HS3ST5: variants seen among roughly 807,000 people sequenced by gnomAD.
The protein encoded by HS3ST5 is heparan sulfate-glucosamine 3-sulfotransferase 5.
A neutral mutation model predicts 25.4 loss-of-function variants in HS3ST5; 10 were observed. The observed-to-expected ratio is 0.39, with a 90% CI of 0.24 to 0.67. HS3ST5 has a LOEUF of 0.67. Ranked by LOEUF, HS3ST5 falls within the 30% of genes least tolerant of loss-of-function variation. The probability of loss-of-function intolerance (pLI) is 0.44; values close to 1 mark genes in which losing one functional copy is unlikely to be tolerated. For synonymous variants in HS3ST5, 170 were observed against 162.4 expected (o/e 1.05, Z -0.36); for missense variants, 324 against 420.7 (o/e 0.77, Z 2.01).
At chr6:114,076,998 G>A (rs138308997) in intron 3 of HS3ST5, among the ~76,000 whole-genome samples, 2 of 152,282 alleles carry the variant, frequency 1.3e-5, no homozygotes, top group East Asian at 1.9e-4. Flanking sequence ...ATACAGAACT[G>A]CAGGGTGGAA....
Position 114,120,397 on chromosome 6 carries a change from A to G in HS3ST5, c.-33+47954T>C, listed in dbSNP as rs146855989. Among the ~76,000 whole-genome samples, 468 of 152,296 alleles carry G rather than the reference A, an allele frequency of 3.1e-3. 3 individuals carry two copies. The highest frequency in any genetic ancestry group is 0.011 in the African/African-American group (453 of 41,562). On this transcript the variant is annotated intron_variant, in intron 3 of 4. Coordinates refer to ENST00000312719, the MANE Select transcript of HS3ST5 (RefSeq NM_153612.4). Reference sequence around the variant, plus strand: ...TTGTCCAAACTATGACAGAAAGTCAATCTTCTATGATTTCAATGTCTGTAT... The same window carrying G: ...TTGTCCAAACTATGACAGAAAGTCAGTCTTCTATGATTTCAATGTCTGTAT...
chr6:114,176,462 G>A (rs988912067), intron 2 of HS3ST5, among the ~76,000 whole-genome samples: 3 of 152,158 alleles, frequency 2.0e-5, no homozygotes, highest in Non-Finnish European at 2.9e-5. Context: ...TGTATCATTG[G>A]CAGAAACCTA....
intron 1 of HS3ST5, among the ~76,000 whole-genome samples, chr6:114,278,281 A>G (rs575636657): frequency 2.6e-5 from 4 of 152,144 alleles, no homozygotes; most frequent in African/African-American, 9.6e-5. Context: ...CTACTTCTTG[A>G]ATTTGAATGT....
rs536949972 is a variant in HS3ST5, at chr6:114,132,660, G to A, written c.-33+35691C>T. On this transcript the variant is annotated intron_variant, in intron 3 of 4. Coordinates refer to ENST00000312719, the MANE Select transcript of HS3ST5 (RefSeq NM_153612.4). ...CAAAGGTTTTGGCCAGATATAAGGG[G>A]GGAAAGGGCAGGCTTATAAATAGTT... Among the ~76,000 whole-genome samples the A allele has an allele frequency of 3.2e-4, 49 of 152,298 alleles. No homozygotes were observed. In the South Asian group the frequency reaches 4.4e-3, roughly 14 times the overall value.
At chr6:114,259,589 TA>T (rs1248877134) in intron 1 of HS3ST5, among the ~76,000 whole-genome samples, 2 of 152,230 alleles carry the variant, frequency 1.3e-5, no homozygotes, top group Admixed American at 6.5e-5. Context: ...CTTTTGAAAC[TA>T]AGCAGTTGTT....
chr6:114,271,896 C>A (rs1304735782), intron 1 of HS3ST5, among the ~76,000 whole-genome samples: 1 of 151,962 alleles, frequency 6.6e-6, no homozygotes, highest in Non-Finnish European at 1.5e-5. Flanking sequence ...CCCACTAAGT[C>A]CTCCTTCTTT....
chr6:114,262,351 T>C (rs1282468262), intron 1 of HS3ST5, among the ~76,000 whole-genome samples: 1 of 152,144 alleles, frequency 6.6e-6, no homozygotes, highest in Non-Finnish European at 1.5e-5. Flanking sequence ...ATCAAGACCA[T>C]CCTGGCTAAC....
intron 2 of HS3ST5, among the ~76,000 whole-genome samples, chr6:114,186,855 G>C (rs1001980293): frequency 5.9e-5 from 9 of 152,188 alleles, no homozygotes; most frequent in African/African-American, 1.9e-4. Flanking sequence ...AGTAGCTGAT[G>C]ACTTTATACT....
At chr6:114,093,916 C>T (rs546352926) in intron 3 of HS3ST5, among the ~76,000 whole-genome samples, 2 of 152,126 alleles carry the variant, frequency 1.3e-5, no homozygotes, top group East Asian at 3.9e-4. Context: ...AAATAGAGCA[C>T]CAGCATGCAG....
chr6:114,116,260 C>G (rs1776524298), intron 3 of HS3ST5: 1 of 152,016 alleles, frequency 6.6e-6, no homozygotes, highest in African/African-American at 2.4e-5. Flanking sequence ...TAAAGATATT[C>G]TAGCATCTCA....
chr6:114,173,266 T>A (rs1209433427), intron 2 of HS3ST5, among the ~76,000 whole-genome samples: 7 of 152,224 alleles, frequency 4.6e-5, no homozygotes, highest in Non-Finnish European at 7.3e-5. Context: ...CTACAATCTA[T>A]TTTATATTCT....
At chr6:114,337,276 A>C (rs76666685) in intron 1 of HS3ST5, among the ~76,000 whole-genome samples, 25,188 of 152,206 alleles carry the variant, frequency 0.17, 2,511 homozygotes, top group Admixed American at 0.23. Flanking sequence ...CAACATGTGG[A>C]ATGCTCTGCT....
chr6:114,248,423 C>T (rs1312678646), intron 1 of HS3ST5, among the ~76,000 whole-genome samples: 1 of 151,390 alleles, frequency 6.6e-6, no homozygotes, highest in East Asian at 1.9e-4. Context: ...CAGTTTCTTA[C>T]ATAAAGTTAT....
At chr6:114,165,842 TACTTCATAG>T (rs1318493978) in intron 3 of HS3ST5, among the ~76,000 whole-genome samples, 2 of 152,118 alleles carry the variant, frequency 1.3e-5, no homozygotes, top group African/African-American at 4.8e-5. Context: ...CAACAATGCC[TACTTCATAG>T]AGTTATTTGA....
intron 1 of HS3ST5, among the ~76,000 whole-genome samples, chr6:114,299,637 T>C (rs557293562): frequency 3.7e-4 from 57 of 152,182 alleles, no homozygotes; most frequent in African/African-American, 9.2e-4. Flanking sequence ...TTAGGGAAAA[T>C]AGAAAAGAAC....
At chr6:114,335,620 C>A (rs1186780458) in intron 1 of HS3ST5, among the ~76,000 whole-genome samples, 1 of 151,544 alleles carries the variant, frequency 6.6e-6, no homozygotes, top group East Asian at 1.9e-4. Context: ...CAAATAAGAA[C>A]AATGAATTAG....
At chr6:114,174,201 T>C (rs951433330) in intron 2 of HS3ST5, among the ~76,000 whole-genome samples, 2 of 152,032 alleles carry the variant, frequency 1.3e-5, no homozygotes, top group African/African-American at 4.8e-5. Context: ...GCCTGGCTAA[T>C]TTCTCCTCTT....
chr6:114,242,807 T>G (rs956034761), intron 1 of HS3ST5, among the ~76,000 whole-genome samples: 6 of 148,702 alleles, frequency 4.0e-5, no homozygotes, highest in African/African-American at 1.5e-4. Context: ...GAGCCGAGAT[T>G]GCGCCACTGC....
chr6:114,073,064 A>C (rs1488996622), intron 3 of HS3ST5, among the ~76,000 whole-genome samples: 32 of 152,360 alleles, frequency 2.1e-4, no homozygotes, highest in Admixed American at 2.6e-4. Flanking sequence ...TATTTAATAA[A>C]TGGTGCTGGG....
Sources: allele counts gnomAD v4.1 joint callset (sites outside exome capture counted in the v4.1 genomes callset), GRCh38; gene constraint gnomAD v4.1.1; transcripts MANE v1.5; gene names NCBI Gene and HGNC (gene_info 2026-07-23, HGNC 2026-07-21).